ZKSCAN3: variants seen among roughly 807,000 people sequenced by gnomAD.
ZKSCAN3 encodes zinc finger with KRAB and SCAN domains 3.
A neutral mutation model predicts 30.7 loss-of-function variants in ZKSCAN3; 21 were observed. The observed-to-expected ratio is 0.68, with a 90% confidence interval of 0.49 to 0.99. The LOEUF is 0.99. Ranked by LOEUF, ZKSCAN3 falls within the 50% of genes least tolerant of loss-of-function variation. ZKSCAN3 has a pLI of 0.00. For missense variants in ZKSCAN3, 507 were observed against 647.1 expected (o/e 0.78, Z 2.35); for synonymous variants, 201 against 246.7 (o/e 0.81, Z 1.73).
chr6:28,355,793 A>C (rs1409776782), intron 1 of ZKSCAN3: 1 of 152,314 alleles, frequency 6.6e-6, no homozygotes, highest in Non-Finnish European at 1.5e-5. Context: ...CCACGAAGGC[A>C]AAGTGTTCCT....
chr6:28,360,120 G>A (rs1331146037), intron 2 of ZKSCAN3, 132 bp downstream of exon 2: 2 of 1,504,236 alleles, frequency 1.3e-6, no homozygotes, highest in African/African-American at 1.4e-5. Flanking sequence ...CTCCTTGGCA[G>A]TAAGGTGAAG....
chr6:28,360,671 C>T (rs1407175757), intron 2 of ZKSCAN3: 36 of 985,222 alleles, frequency 3.7e-5, no homozygotes, highest in Non-Finnish European at 4.2e-5. Flanking sequence ...GTGGCCAGAG[C>T]CTTCTAAATG....
Position 28,351,262 on chromosome 6 carries a change from G to C in ZKSCAN3, c.-63+1195G>C, listed in dbSNP as rs1245095707. ...GGGGCCAGGTAGTGAAACCTAAATG[G>C]AGTTTGTGGAATAAATGATATAAAT... On this transcript the variant is annotated intron_variant, in intron 1 of 5. Transcript: ENST00000252211. This position sits in a 1 kb window ranked among gnomAD's most constrained non-coding sequence, Gnocchi z 4.6. Among the ~76,000 whole-genome samples the C allele has an allele frequency of 6.6e-6, 1 of 152,138 alleles. No homozygotes were observed. Among genetic ancestry groups the C allele is most frequent in the Non-Finnish European group, 1.5e-5 (1 of 68,034 alleles).
At position 28,351,609 on chromosome 6, in the gene ZKSCAN3, A is replaced by C. The variant is rs1765020298; in HGVS notation, c.-63+1542A>C. Among the ~76,000 whole-genome samples the C allele has an allele frequency of 6.8e-6, 1 of 146,178 alleles. No homozygotes were observed. Among genetic ancestry groups the C allele is most frequent in the African/African-American group, 2.5e-5 (1 of 39,322 alleles). ...TTCATTCTTCTTTTCCCTCCTTTCC[A>C]CTCTCTTTCCTTCCCTTCTCCTCCT... On this transcript the variant is annotated intron_variant, in intron 1 of 5. Coordinates refer to ENST00000252211, the MANE Select transcript of ZKSCAN3 (RefSeq NM_024493.4). This position sits in a 1 kb window ranked among gnomAD's most constrained non-coding sequence, Gnocchi z 4.6.
rs1765771126 is a variant in ZKSCAN3, at chr6:28,361,530, G to A, written c.550+59G>A. On this transcript the variant is annotated intron_variant, in intron 3 of 5. Coordinates refer to ENST00000252211, the MANE Select transcript of ZKSCAN3 (RefSeq NM_024493.4). The stretch of plus-strand genomic sequence containing the variant: ...CAGACTTCATCCAATTTCATTTAAG[G>A]ATAGCCAACAAAATTCATTGATAGG... 5 of 1,548,968 alleles carry A rather than the reference G, an allele frequency of 3.2e-6. No homozygotes were observed. The East Asian group carries it at 9.3e-5, about 29-fold the overall frequency.
chr6:28,360,133 C>T, intron 2 of ZKSCAN3, 145 bp downstream of exon 2: 1 of 1,410,892 alleles, frequency 7.1e-7, no homozygotes, highest in Non-Finnish European at 9.7e-7. Flanking sequence ...AGGTGAAGTC[C>T]CTGGACTCCT....
chr6:28,357,368 A>T lies in ZKSCAN3; in HGVS notation c.-62-2157A>T, dbSNP rs1765499158. ...AAGGAGAGGGAGGCACAGAGCTAGT[A>T]GGTAGTAAAGCCAGGATTTTGACGA... On this transcript the variant is annotated intron_variant, in intron 1 of 5. Coordinates refer to ENST00000252211, the MANE Select transcript of ZKSCAN3 (RefSeq NM_024493.4). Among the ~76,000 whole-genome samples, 3 of 152,352 alleles carry T rather than the reference A, an allele frequency of 2.0e-5. No individual in the cohort carries two copies. In the South Asian group the frequency reaches 6.2e-4, roughly 32 times the overall value.
intron 1 of ZKSCAN3, among the ~76,000 whole-genome samples, chr6:28,350,780 T>C (rs1346408643): frequency 1.3e-5 from 2 of 152,134 alleles, no homozygotes; most frequent in East Asian, 3.8e-4. Context: ...GAGGGAAAAA[T>C]AAGATACTCT....
At position 28,359,735 on chromosome 6, in the gene ZKSCAN3, G is replaced by A. The variant is rs367947574; in HGVS notation, c.149G>A (p.Arg50Gln). Residue 50 changes from arginine to glutamine, a missense_variant, in exon 2 of 6, where the codon CGA becomes CAA. Arg to Gln is a conservative substitution (Grantham distance 43). Transcript: ENST00000252211. Reference sequence around the variant, plus strand: ...TCTGAGGGCTCCCGCGAGCGCTTCCGAGGCTTCCGCTACCCGGAGGCTGCA... The same window carrying A: ...TCTGAGGGCTCCCGCGAGCGCTTCCAAGGCTTCCGCTACCCGGAGGCTGCA... ...LGSEGSRERFRGFRYPEAAGP... is the reference protein window; with the variant it reads ...LGSEGSRERFQGFRYPEAAGP... 31 of 1,614,062 alleles carry A rather than the reference G, an allele frequency of 1.9e-5. No individual in the cohort carries two copies. Among genetic ancestry groups the A allele is most frequent in the Non-Finnish European group, 2.6e-5 (31 of 1,180,044 alleles).
At position 28,363,732 on chromosome 6, in the gene ZKSCAN3, C is replaced by A; in HGVS notation, c.674C>A (p.Pro225His). 6.2e-7 allele frequency: 1 copy of A among 1,614,030 alleles called. No individual in the cohort carries two copies. Residue 225 changes from proline (P) to histidine (H), a missense_variant, in exon 5 of 6, where the codon CCT becomes CAT. Coordinates refer to ENST00000252211, the MANE Select transcript of ZKSCAN3 (RefSeq NM_024493.4). ...KVEDVALTLTPEWTQQDSSQG... is the reference protein window; with the variant it reads ...KVEDVALTLTHEWTQQDSSQG... ...GAAGATGTGGCCCTGACCCTCACCC[C>A]TGAATGGACACAGCAGGATTCATCT...
At chr6:28,363,408 C>G in intron 4 of ZKSCAN3, 23 bp downstream of exon 4, 1 of 1,604,406 alleles carries the variant, frequency 6.2e-7, no homozygotes, top group Non-Finnish European at 8.5e-7. Flanking sequence ...CCTATCCCTC[C>G]CCCAATGCCC....
chr6:28,360,819 T>G, intron 2 of ZKSCAN3: 1 of 927,372 alleles, frequency 1.1e-6, no homozygotes, highest in Non-Finnish European at 1.3e-6. Context: ...GAAAGTAACT[T>G]GAAAACTGTA....
rs1766019992 is a variant in ZKSCAN3 at position 28,367,682 on chromosome 6, C to G, written c.*1397C>G. 1 of 151,818 alleles carries G rather than the reference C, an allele frequency of 6.6e-6. No homozygotes were observed. The highest frequency in any genetic ancestry group is 6.6e-5 in the Admixed American group (1 of 15,254). The allele number at this position is 151,818 out of a possible 1,614,324, so 9.4% of individuals were successfully genotyped here. A position where few individuals can be genotyped will look rare whatever the true frequency, so the allele number is the denominator to read the frequency against. On this transcript the variant is annotated 3_prime_UTR_variant, in exon 6 of 6. Transcript: ENST00000252211. ...TAAACTGCATCAAAACTTATTCCTGCTAAGTTCATACTTTCTCCAGCTCAA... is the reference window on the plus strand; with the variant it reads ...TAAACTGCATCAAAACTTATTCCTGGTAAGTTCATACTTTCTCCAGCTCAA...
Position 28,365,762 on chromosome 6 carries a change from C to T in ZKSCAN3, c.1094C>T (p.Thr365Ile). The T allele has an allele frequency of 6.2e-7, 1 of 1,614,078 alleles. No homozygotes were observed. Among genetic ancestry groups the T allele is most frequent in the African/African-American group, 1.3e-5 (1 of 75,032 alleles). ...CTTGTCATTCATCAGAGAGTCCACA[C>T]TGGTGAGAAGCCATATGAGTGTGAA... The part of the protein sequence containing the change: ...SALVIHQRVH[T>I]GEKPYECEEC... Residue 365 changes from threonine (T) to isoleucine (I), a missense_variant, in exon 6 of 6, where the codon ACT becomes ATT. By Grantham distance (89) the Thr-to-Ile change is moderately conservative (BLOSUM62 -1). Transcript: ENST00000252211.
rs769689642 is a variant in ZKSCAN3 at position 28,365,514 on chromosome 6, A to C, written c.846A>C (p.Arg282Ser). 6.3e-5 allele frequency: 101 copies of C among 1,614,112 alleles called. No individual in the cohort carries two copies. The highest frequency in any genetic ancestry group is 8.2e-5 in the Non-Finnish European group (97 of 1,180,044). The change falls in exon 6 of 6, where the codon AGA (arginine) becomes AGC (serine). Residue 282 changes from arginine to serine, a missense_variant. Arg to Ser is a moderately radical substitution (Grantham distance 110). Transcript: ENST00000252211. Reference sequence around the variant, plus strand: ...ATGGGAAGATATCGTGCCACCTGAGAGAAGACATTGCCCAGATTCCTACAT... The same window carrying C: ...ATGGGAAGATATCGTGCCACCTGAGCGAAGACATTGCCCAGATTCCTACAT... ...KEHGKISCHL[R>S]EDIAQIPTCA...
At chr6:28,358,717 C>T (rs1025651873) in intron 1 of ZKSCAN3, among the ~76,000 whole-genome samples, 1 of 151,806 alleles carries the variant, frequency 6.6e-6, no homozygotes, top group Non-Finnish European at 1.5e-5. Flanking sequence ...AACCCCAGCT[C>T]TACTAAAAAT....
rs773563043 is a variant in ZKSCAN3 at position 28,368,316 on chromosome 6, T to G, written c.*2031T>G. The G allele has an allele frequency of 6.6e-6, 1 of 152,178 alleles. No homozygotes were observed. Among genetic ancestry groups the G allele is most frequent in the African/African-American group, 2.4e-5 (1 of 41,460 alleles). 9.4% of individuals were successfully genotyped at this position (152,178 alleles called of 1,614,324 possible). On this transcript the variant is annotated 3_prime_UTR_variant, in exon 6 of 6. Transcript: ENST00000252211. ...CACTTATGGTTTCAGAACGCCATTA[T>G]TAGTGTCTGACTGTCTTGGTCTTCT...
Position 28,368,126 on chromosome 6 carries a change from C to G in ZKSCAN3, c.*1841C>G, listed in dbSNP as rs11752496. The G allele has an allele frequency of 0.36, 53,261 of 149,878 alleles. 10,117 individuals are homozygous for G. Among genetic ancestry groups the G allele is most frequent in the African/African-American group, 0.5 (20,227 of 40,750 alleles). The allele number at this position is 149,878 out of a possible 1,614,324, so 9.3% of individuals were successfully genotyped here. On this transcript the variant is annotated 3_prime_UTR_variant, in exon 6 of 6. Coordinates refer to ENST00000252211, the MANE Select transcript of ZKSCAN3 (RefSeq NM_024493.4). The stretch of plus-strand genomic sequence containing the variant: ...TTCCCACCTATGAGTGAGAATATGC[C>G]GTGTTTGATTTTTTGTTCTTGGCGA...
chr6:28,351,741 C>T lies in ZKSCAN3; in HGVS notation c.-63+1674C>T, dbSNP rs1043209747. ...GTCTTCCTTTCCTTCCCTCCCTCTC[C>T]CCCTCTTTATCTCTTTTTTTTCCTC... On this transcript the variant is annotated intron_variant, in intron 1 of 5. Transcript: ENST00000252211. The surrounding 1 kb of genome is among the most constrained non-coding windows in gnomAD (Gnocchi z 4.6). Among the ~76,000 whole-genome samples, 1 of 151,720 alleles carries T rather than the reference C, an allele frequency of 6.6e-6. No homozygotes were observed. Among genetic ancestry groups the T allele is most frequent in the African/African-American group, 2.4e-5 (1 of 41,232 alleles).
Sources: gnomAD v4.1 joint callset for allele counts (sites outside exome capture counted in the v4.1 genomes callset) on GRCh38, gnomAD v4.1.1 for gene constraint, Gnocchi (gnomAD v3.1) non-coding constraint, MANE v1.5 for transcripts, NCBI Gene and HGNC (gene_info 2026-07-23, HGNC 2026-07-21) for gene names.